TEX9: variants seen among roughly 807,000 people sequenced by gnomAD.
The protein encoded by TEX9 is testis-expressed protein 9.
TEX9 carries 74 observed loss-of-function variants against 59.6 expected under a neutral mutation model. The observed-to-expected ratio is 1.24, with a 90% CI of 1.03 to 1.51. The LOEUF (loss-of-function observed/expected upper bound fraction) is 1.51, where lower values mean the gene tolerates loss of function less well. Among genes scored for constraint, TEX9 ranks in the 40% most tolerant of loss-of-function variants. TEX9 has a pLI of 0.00. For missense variants in TEX9, 522 were observed against 447.8 expected (o/e 1.17, Z -1.49); for synonymous variants, 186 against 152.2 (o/e 1.22, Z -1.64).
At chr15:56,361,888 G>T (rs1050267518), upstream of TEX9, among the ~76,000 whole-genome samples, 1 of 152,132 alleles carries the variant, frequency 6.6e-6, no homozygotes, top group African/African-American at 2.4e-5. Flanking sequence ...AGTCTCCCCT[G>T]CAGGTTTCAA....
intron 1 of TEX9, among the ~76,000 whole-genome samples, chr15:56,347,614 T>C (rs1280843288): frequency 2.6e-5 from 4 of 151,922 alleles, no homozygotes; most frequent in African/African-American, 7.2e-5. Flanking sequence ...ACAAAAGTAA[T>C]TCAAATTGGA....
At chr15:56,402,052 T>C (rs1332876688) in intron 9 of TEX9, among the ~76,000 whole-genome samples, 1 of 152,082 alleles carries the variant, frequency 6.6e-6, no homozygotes, top group Admixed American at 6.5e-5. Context: ...ATTGACACCC[T>C]AACATCACAA....
At chr15:56,287,384 T>A (rs186797441) in intron 1 of TEX9, among the ~76,000 whole-genome samples, 50 of 152,202 alleles carry the variant, frequency 3.3e-4, no homozygotes, top group Middle Eastern at 6.8e-3. Flanking sequence ...TTAACTTTTT[T>A]AAAAAAATTA....
chr15:56,334,413 A>G (rs1290722764), intron 1 of TEX9, among the ~76,000 whole-genome samples: 1 of 152,204 alleles, frequency 6.6e-6, no homozygotes, highest in African/African-American at 2.4e-5. Context: ...TAAGGAGAGA[A>G]CAGTCTCTTT....
At chr15:56,309,161 G>A (rs2045547203) in intron 1 of TEX9, among the ~76,000 whole-genome samples, 1 of 152,096 alleles carries the variant, frequency 6.6e-6, no homozygotes, top group Non-Finnish European at 1.5e-5. Flanking sequence ...ACAACATTAG[G>A]ACGTTCATTA....
intron 1 of TEX9, among the ~76,000 whole-genome samples, chr15:56,326,259 G>T (rs2046016987): frequency 6.9e-6 from 1 of 145,116 alleles, no homozygotes; most frequent in South Asian, 2.2e-4. Flanking sequence ...GGTTTTTTAA[G>T]TGTCATCGTG....
intron 1 of TEX9, among the ~76,000 whole-genome samples, chr15:56,317,193 T>A (rs78475411): frequency 0.044 from 6,705 of 152,348 alleles, 226 homozygotes; most frequent in Admixed American, 0.086. Context: ...GGGAAGTTTT[T>A]AATTATTATT....
chr15:56,304,261 G>C (rs2045426973), intron 1 of TEX9, among the ~76,000 whole-genome samples: 1 of 152,134 alleles, frequency 6.6e-6, no homozygotes, highest in Non-Finnish European at 1.5e-5. Flanking sequence ...GTTTGCTCTA[G>C]CTAGGACTTC....
intron 1 of TEX9, among the ~76,000 whole-genome samples, chr15:56,282,374 A>T (rs1316958433): frequency 6.6e-6 from 1 of 152,202 alleles, no homozygotes; most frequent in African/African-American, 2.4e-5. Context: ...TACTTGTTTC[A>T]AACCCCCAGT....
chr15:56,356,929 C>T lies in TEX9; in HGVS notation c.-106-16512C>T, dbSNP rs573158717. Among the ~76,000 whole-genome samples the T allele has an allele frequency of 2.0e-5, 3 of 152,122 alleles. No individual in the cohort carries two copies. The East Asian group carries it at 5.8e-4, about 29-fold the overall frequency. Reference sequence around the variant, plus strand: ...CTGGATCCTGTCTCACTGGCTAGGACTTCCAGAACAGTGGCAGCAATTGTA... The same window carrying T: ...CTGGATCCTGTCTCACTGGCTAGGATTTCCAGAACAGTGGCAGCAATTGTA... On this transcript the variant is annotated intron_variant, in intron 1 of 5. Transcript: ENST00000560827.
rs746091424 is a variant in TEX9, at chr15:56,373,515, G to A, written c.183+11G>A. 6.5e-7 allele frequency: 1 copy of A among 1,530,878 alleles called. No individual in the cohort carries two copies. Among genetic ancestry groups the A allele is most frequent in the Non-Finnish European group, 8.7e-7 (1 of 1,147,470 alleles). The allele number at this position is 1,530,878 out of a possible 1,614,324, so 94.8% of individuals were successfully genotyped here. A position where few individuals can be genotyped will look rare whatever the true frequency, so the allele number is the denominator to read the frequency against. On this transcript the variant is annotated intron_variant, in intron 3 of 12. Transcript: ENST00000352903. ...GCTAAGGAAATAATAGTAAGTATAT[G>A]TACAATTATTAATAATTCTATATAA...
intron 1 of TEX9, among the ~76,000 whole-genome samples, chr15:56,335,217 C>T (rs1231800785): frequency 2.0e-5 from 3 of 152,168 alleles, no homozygotes; most frequent in Non-Finnish European, 4.4e-5. Context: ...TATTGCAGCA[C>T]TGTTTACAAT....
chr15:56,343,201 T>G (rs764215043), intron 1 of TEX9, among the ~76,000 whole-genome samples: 22 of 152,162 alleles, frequency 1.4e-4, no homozygotes, highest in Non-Finnish European at 5.9e-5. Context: ...CTGAACTGAT[T>G]GATATTGAAC....
At chr15:56,294,142 C>T (rs1187006373) in intron 1 of TEX9, among the ~76,000 whole-genome samples, 4 of 152,146 alleles carry the variant, frequency 2.6e-5, no homozygotes, top group African/African-American at 9.7e-5. Context: ...AAAGTGCAGT[C>T]CACTAGTGCA....
chr15:56,408,274 T>A (rs1171891672), intron 9 of TEX9, among the ~76,000 whole-genome samples: 1 of 152,218 alleles, frequency 6.6e-6, no homozygotes, highest in African/African-American at 2.4e-5. Flanking sequence ...ACACTGTAGT[T>A]GTGGTCCATT....
At chr15:56,331,038 G>A (rs1212458425) in intron 1 of TEX9, among the ~76,000 whole-genome samples, 4 of 152,096 alleles carry the variant, frequency 2.6e-5, no homozygotes, top group Non-Finnish European at 4.4e-5. Flanking sequence ...TGTATTTCAA[G>A]ACAAAAAGAG....
intron 1 of TEX9, among the ~76,000 whole-genome samples, chr15:56,334,946 A>G (rs1596099143): frequency 6.6e-6 from 1 of 152,328 alleles, no homozygotes; most frequent in Non-Finnish European, 1.5e-5. Flanking sequence ...CAAAACTATA[A>G]TGAGATATCA....
At chr15:56,340,281 A>C (rs1388263709) in intron 1 of TEX9, among the ~76,000 whole-genome samples, 1 of 152,196 alleles carries the variant, frequency 6.6e-6, no homozygotes, top group East Asian at 1.9e-4. Context: ...GAAAATGACC[A>C]TTAGGTGGGT....
the TEX9 span, among the ~76,000 whole-genome samples, chr15:56,456,830 T>C: frequency 6.6e-6 from 1 of 152,156 alleles, no homozygotes; most frequent in African/African-American, 2.4e-5. Context: ...TTTTTTCCCT[T>C]ATTCTTTTTC....
Sources: gnomAD v4.1 joint callset for allele counts (sites outside exome capture counted in the v4.1 genomes callset) on GRCh38, gnomAD v4.1.1 for gene constraint, MANE v1.5 for transcripts, NCBI Gene and HGNC (gene_info 2026-07-23, HGNC 2026-07-21) for gene names.